The following SLC25A21 variants were observed in gnomAD, a reference collection of about 807,000 sequenced individuals.
The protein encoded by SLC25A21 is mitochondrial 2-oxodicarboxylate carrier.
A neutral mutation model predicts 43.8 loss-of-function variants in SLC25A21; 47 were observed. The observed-to-expected ratio is 1.07, with a 90% confidence interval of 0.85 to 1.37. The LOEUF is 1.37. Among genes scored for constraint, SLC25A21 ranks in the 40% most tolerant of loss-of-function variants. SLC25A21 has a pLI of 0.00. For synonymous variants in SLC25A21, 131 were observed against 121.3 expected (o/e 1.08, Z -0.52); for missense variants, 352 against 350.2 (o/e 1.00, Z -0.04).
At chr14:36,708,756 T>G (rs1439408549) in intron 7 of SLC25A21, among the ~76,000 whole-genome samples, 2 of 150,050 alleles carry the variant, frequency 1.3e-5, no homozygotes, top group African/African-American at 4.9e-5. Context: ...TTTTTTTTTT[T>G]TTTTTTTTTG....
intron 1 of SLC25A21, among the ~76,000 whole-genome samples, chr14:36,889,171 T>C (rs1461235407): frequency 6.6e-6 from 1 of 152,188 alleles, no homozygotes; most frequent in Non-Finnish European, 1.5e-5. Context: ...ATGGTCTGGC[T>C]TGTGGGGGAA....
intron 3 of SLC25A21, among the ~76,000 whole-genome samples, chr14:36,795,153 G>T (rs141727117): frequency 6.6e-6 from 1 of 152,112 alleles, no homozygotes; most frequent in African/African-American, 2.4e-5. Flanking sequence ...TGTTATGGAG[G>T]CTTTAGAGAA....
rs531519120 is a variant in SLC25A21 at position 36,785,298 on chromosome 14, A to G, written c.203+28620T>C. On this transcript the variant is annotated intron_variant, in intron 3 of 9. Coordinates refer to ENST00000331299, the MANE Select transcript of SLC25A21 (RefSeq NM_030631.4). ...TTCTATTTGGATCTTGGGTTTGACA[A>G]CAAAACCACACTAAACCAAACCAAC... 1.6e-4 allele frequency among the ~76,000 whole-genome samples: 25 copies of G among 152,356 alleles called. No homozygotes were observed. In the South Asian group the frequency reaches 5.2e-3, roughly 32 times the overall value.
intron 6 of SLC25A21, among the ~76,000 whole-genome samples, chr14:36,720,893 C>T (rs989867841): frequency 5.9e-5 from 9 of 152,138 alleles, no homozygotes; most frequent in African/African-American, 1.7e-4. Context: ...GCTGCCAGTC[C>T]GTAAGCCTTG....
At chr14:37,008,181 T>C (rs138622261) in intron 1 of SLC25A21, among the ~76,000 whole-genome samples, 12 of 152,242 alleles carry the variant, frequency 7.9e-5, no homozygotes, top group South Asian at 2.1e-4. Flanking sequence ...TGAAAAAAGA[T>C]TGTACAGATT....
At chr14:36,966,672 C>A (rs914930613) in intron 1 of SLC25A21, among the ~76,000 whole-genome samples, 1 of 152,172 alleles carries the variant, frequency 6.6e-6, no homozygotes, top group Non-Finnish European at 1.5e-5. Context: ...CTGTTATCTG[C>A]CCTGTGCAAG....
At chr14:36,780,678 T>G (rs557556662) in intron 3 of SLC25A21, among the ~76,000 whole-genome samples, 2 of 152,242 alleles carry the variant, frequency 1.3e-5, no homozygotes, top group African/African-American at 4.8e-5. Flanking sequence ...ACCACTGTGG[T>G]TGGAAAAGAT....
chr14:36,824,633 G>T (rs111318614), intron 2 of SLC25A21, among the ~76,000 whole-genome samples: 9 of 152,002 alleles, frequency 5.9e-5, no homozygotes, highest in African/African-American at 1.5e-4. Flanking sequence ...AAAGGGCACC[G>T]GGCTAGAGGA....
chr14:37,131,432 C>A (rs1012049804), intron 1 of SLC25A21, among the ~76,000 whole-genome samples: 3 of 152,148 alleles, frequency 2.0e-5, no homozygotes, highest in Non-Finnish European at 4.4e-5. Flanking sequence ...TTGGTACTAA[C>A]CAATGCTGTT....
At chr14:36,692,247 C>T (rs77468806) in intron 7 of SLC25A21, among the ~76,000 whole-genome samples, 2,189 of 152,274 alleles carry the variant, frequency 0.014, 51 homozygotes, top group African/African-American at 0.049. Context: ...TATTTATAGA[C>T]TCTTTGTGAC....
chr14:36,959,509 AG>A (rs2138672130), intron 1 of SLC25A21, among the ~76,000 whole-genome samples: 1 of 152,262 alleles, frequency 6.6e-6, no homozygotes, highest in African/African-American at 2.4e-5. Context: ...CACATTTTCC[AG>A]GGCCTGAGGG....
intron 1 of SLC25A21, among the ~76,000 whole-genome samples, chr14:36,937,444 T>C (rs1892451433): frequency 6.6e-6 from 1 of 152,142 alleles, no homozygotes; most frequent in African/African-American, 2.4e-5. Flanking sequence ...GGCAACATAG[T>C]AGAGAGTGAC....
At chr14:37,016,613 T>A (rs974097574) in intron 1 of SLC25A21, among the ~76,000 whole-genome samples, 5 of 152,082 alleles carry the variant, frequency 3.3e-5, no homozygotes, top group Admixed American at 3.3e-4. Flanking sequence ...ACCAATTGCA[T>A]TAGCTCCTAA....
chr14:36,776,310 C>T (rs1425563681), intron 3 of SLC25A21, among the ~76,000 whole-genome samples: 1 of 138,024 alleles, frequency 7.2e-6, no homozygotes, highest in Non-Finnish European at 1.5e-5. Context: ...GATCTCGGCT[C>T]ACTGCAAGCT....
intron 9 of SLC25A21, 49 bp downstream of exon 9, chr14:36,683,779 C>A (rs78248032): frequency 7.4e-7 from 1 of 1,345,906 alleles, no homozygotes; most frequent in African/African-American, 1.5e-5. Context: ...AAAAAAGAGA[C>A]GCTAGAACAA....
chr14:36,920,456 T>C (rs1285767271), intron 1 of SLC25A21, among the ~76,000 whole-genome samples: 3 of 152,040 alleles, frequency 2.0e-5, no homozygotes, highest in African/African-American at 4.8e-5. Context: ...ATAGAACCTC[T>C]AAACAAACTC....
intron 1 of SLC25A21, among the ~76,000 whole-genome samples, chr14:36,967,672 A>C (rs1192908089): frequency 6.6e-6 from 1 of 152,150 alleles, no homozygotes; most frequent in African/African-American, 2.4e-5. Flanking sequence ...TTTCCTAAGG[A>C]TATACAAATC....
rs139930980 is a variant in SLC25A21 at position 37,130,210 on chromosome 14, G to T, written c.70+42071C>A. On this transcript the variant is annotated intron_variant, in intron 1 of 9. Transcript: ENST00000331299. The stretch of plus-strand genomic sequence containing the variant: ...GCCCAGGAGTTAGAGGCTGCAGTGA[G>T]CTATGATTGGGCCTCTGTACTTGTG... 4.6e-3 allele frequency among the ~76,000 whole-genome samples: 702 copies of T among 152,186 alleles called. 5 individuals carry two copies. The highest frequency in any genetic ancestry group is 0.016 in the African/African-American group (663 of 41,512).
At chr14:36,859,342 C>A (rs946165156) in intron 2 of SLC25A21, among the ~76,000 whole-genome samples, 4 of 152,182 alleles carry the variant, frequency 2.6e-5, no homozygotes, top group African/African-American at 7.2e-5. Context: ...AAATAAATAA[C>A]TACTTCATGA....
Sources: gnomAD v4.1 joint callset for allele counts (sites outside exome capture counted in the v4.1 genomes callset) on GRCh38, gnomAD v4.1.1 for gene constraint, MANE v1.5 for transcripts, NCBI Gene and HGNC (gene_info 2026-07-23, HGNC 2026-07-21) for gene names.